Variants in UNC79 observed in about 807,000 individuals in gnomAD.
UNC79 encodes the protein protein unc-79 homolog.
UNC79 carries 37 observed loss-of-function variants against 283.1 expected under a neutral mutation model. The ratio of observed to expected loss-of-function variants is 0.13; its 90% confidence interval spans 0.10 to 0.17. The LOEUF (loss-of-function observed/expected upper bound fraction) is 0.17. Among genes scored for constraint, UNC79 ranks in the 10% least tolerant of loss-of-function variants. The pLI, the probability that UNC79 is intolerant of heterozygous loss-of-function variation, is 1.00. For missense variants in UNC79, 2,272 were observed against 3,211.1 expected (o/e 0.71, Z 7.07); for synonymous variants, 1,107 against 1,200.2 (o/e 0.92, Z 1.61).
chr14:93,508,083 C>T (rs1162056322), intron 7 of UNC79, among the ~76,000 whole-genome samples: 1 of 151,936 alleles, frequency 6.6e-6, no homozygotes, highest in Admixed American at 6.6e-5. Flanking sequence ...ATGTTATAGC[C>T]TTGAAATCAG....
intron 4 of UNC79, 102 bp from the exon 5 acceptor site, chr14:93,487,561 A>ATTT (rs33942732): frequency 1.2e-4 from 81 of 696,904 alleles, no homozygotes; most frequent in African/African-American, 7.3e-4. Flanking sequence ...TATTGGAGCT[A>ATTT]TTTTTTTTTT....
At chr14:93,580,728 C>G (rs150468013) in intron 19 of UNC79, among the ~76,000 whole-genome samples, 5 of 151,436 alleles carry the variant, frequency 3.3e-5, no homozygotes, top group Non-Finnish European at 7.4e-5. Flanking sequence ...TTTTTTGAGA[C>G]GGTGCCTTAC....
chr14:93,572,541 G>A (rs148634225), intron 15 of UNC79, 152 bp from the exon 16 acceptor site: 28 of 1,118,798 alleles, frequency 2.5e-5, no homozygotes, highest in Middle Eastern at 2.1e-4. Context: ...TTCTCTTACA[G>A]TAAAGTGAAA....
chr14:93,472,801 T>C (rs538391300), intron 2 of UNC79, among the ~76,000 whole-genome samples: 3 of 152,268 alleles, frequency 2.0e-5, no homozygotes, highest in African/African-American at 7.2e-5. Context: ...ATAGAGCAAC[T>C]GTAAAACAAG....
At chr14:93,353,613 A>G (rs368058838) in intron 1 of UNC79, among the ~76,000 whole-genome samples, 22 of 152,338 alleles carry the variant, frequency 1.4e-4, no homozygotes, top group East Asian at 5.8e-4. Flanking sequence ...AAATCCAGAT[A>G]ATTTTGTGTA....
intron 1 of UNC79, among the ~76,000 whole-genome samples, chr14:93,450,426 C>T (rs1390675671): frequency 1.3e-5 from 2 of 152,160 alleles, no homozygotes; most frequent in African/African-American, 2.4e-5. Context: ...TCTGGAACCA[C>T]ATTGCTCTGA....
chr14:93,347,309 ACCG>A (rs2053869648), intron 1 of UNC79: 1 of 1,605,414 alleles, frequency 6.2e-7, no homozygotes, highest in African/African-American at 1.3e-5. Flanking sequence ...CGCCGCCACT[ACCG>A]CCGCTTGGCC....
At chr14:93,356,189 G>A (rs2054083220) in intron 1 of UNC79, among the ~76,000 whole-genome samples, 3 of 152,066 alleles carry the variant, frequency 2.0e-5, no homozygotes. Flanking sequence ...CACCACGCCT[G>A]GCTAATTGTT....
intron 1 of UNC79, among the ~76,000 whole-genome samples, chr14:93,340,080 A>G (rs1042436809): frequency 4.0e-4 from 61 of 152,238 alleles, no homozygotes; most frequent in African/African-American, 1.4e-3. Context: ...TGTGCTGTTC[A>G]TGACAGCTAT....
intron 41 of UNC79, among the ~76,000 whole-genome samples, chr14:93,678,863 G>T (rs1457369039): frequency 6.6e-6 from 1 of 152,192 alleles, no homozygotes; most frequent in Non-Finnish European, 1.5e-5. Context: ...AGATAGGAAA[G>T]AATTTGCTGA....
At chr14:93,487,359 A>G (rs1034341480) in intron 4 of UNC79, among the ~76,000 whole-genome samples, 2 of 152,004 alleles carry the variant, frequency 1.3e-5, no homozygotes, top group Non-Finnish European at 2.9e-5. Context: ...TTTCTTTTCC[A>G]TCTAAATACA....
chr14:93,401,466 A>T (rs1337007604), intron 1 of UNC79, among the ~76,000 whole-genome samples: 1 of 152,230 alleles, frequency 6.6e-6, no homozygotes, highest in Non-Finnish European at 1.5e-5. Flanking sequence ...ATGCAAATTT[A>T]TGAGTAGGGT....
intron 14 of UNC79, among the ~76,000 whole-genome samples, chr14:93,570,874 A>G (rs187427726): frequency 3.3e-5 from 5 of 152,352 alleles, no homozygotes; most frequent in Admixed American, 6.5e-5. Flanking sequence ...TGGCTTGACC[A>G]TAAACTACAT....
At chr14:93,524,085 G>A in intron 8 of UNC79, 43 bp downstream of exon 8, 1 of 1,605,124 alleles carries the variant, frequency 6.2e-7, no homozygotes, top group Non-Finnish European at 8.5e-7. Context: ...ATTGTCAGTG[G>A]TCAAATTGCT....
Position 93,686,553 on chromosome 14 carries a change from C to G in UNC79, c.6820-19C>G, listed in dbSNP as rs1465051540. On this transcript the variant is annotated intron_variant, in intron 42 of 48. Coordinates refer to ENST00000555664, the Ensembl canonical transcript of UNC79. The stretch of plus-strand genomic sequence containing the variant: ...GGGCAAAAATGAAGGTGTGACCCAG[C>G]TGTGTCCTTGTGTTTCAGTGTGGGA... 1 of 1,613,646 alleles carries G rather than the reference C, an allele frequency of 6.2e-7. No individual in the cohort carries two copies. Among genetic ancestry groups the G allele is most frequent in the South Asian group, 1.1e-5 (1 of 91,036 alleles).
chr14:93,431,083 G>T (rs1235137240), intron 1 of UNC79, 32 bp downstream of exon 1: 1 of 700,220 alleles, frequency 1.4e-6, no homozygotes, highest in African/African-American at 1.8e-5. Context: ...ATTCCGGCCC[G>T]GCCTCGGCTG....
chr14:93,579,736 C>T (rs772720456), intron 18 of UNC79, among the ~76,000 whole-genome samples: 10 of 152,134 alleles, frequency 6.6e-5, no homozygotes, highest in Non-Finnish European at 1.3e-4. Context: ...CTAGCCCCAG[C>T]CCTGGAATTC....
At chr14:93,365,384 C>CAAAAAAAAA (rs34673069) in intron 1 of UNC79, among the ~76,000 whole-genome samples, 1 of 108,292 alleles carries the variant, frequency 9.2e-6, no homozygotes, top group Non-Finnish European at 1.8e-5. Flanking sequence ...TACTCCATCT[C>CAAAAAAAAA]AAAAAAAAAA....
chr14:93,692,158 G>C (rs2074743535), intron 46 of UNC79, among the ~76,000 whole-genome samples: 2 of 152,240 alleles, frequency 1.3e-5, no homozygotes, highest in Non-Finnish European at 1.5e-5. Flanking sequence ...TAGTTCAAGA[G>C]ATCTATTGTA....
Sources: allele counts gnomAD v4.1 joint callset (sites outside exome capture counted in the v4.1 genomes callset), GRCh38; gene constraint gnomAD v4.1.1; transcripts MANE v1.5; gene names NCBI Gene and HGNC (gene_info 2026-07-23, HGNC 2026-07-21).